The following KATNAL2 variants were observed in gnomAD, a reference collection of about 807,000 sequenced individuals.
KATNAL2 encodes katanin catalytic subunit A1 like 2.
A neutral mutation model predicts 76.3 loss-of-function variants in KATNAL2; 52 were observed. The observed-to-expected ratio is 0.68, with a 90% CI of 0.55 to 0.86. KATNAL2 has a LOEUF of 0.86. Ranked by LOEUF, KATNAL2 falls within the 40% of genes least tolerant of loss-of-function variation. The pLI is 0.00. For missense variants in KATNAL2, 660 were observed against 668.9 expected (o/e 0.99, Z 0.15); for synonymous variants, 243 against 244.2 (o/e 1.00, Z 0.05).
chr18:46,954,175 A>T (rs2059653174), intron 3 of KATNAL2, among the ~76,000 whole-genome samples: 1 of 151,422 alleles, frequency 6.6e-6, no homozygotes, highest in Non-Finnish European at 1.5e-5. Flanking sequence ...AAGGGGAGGG[A>T]ATCTGCAATA....
chr18:47,070,609 G>A (rs1182233135), intron 13 of KATNAL2, among the ~76,000 whole-genome samples: 3 of 152,042 alleles, frequency 2.0e-5, no homozygotes, highest in Admixed American at 6.6e-5. Flanking sequence ...CAATATAAGT[G>A]AATATAAAAT....
chr18:47,090,173 C>T (rs1016155897), intron 15 of KATNAL2, among the ~76,000 whole-genome samples: 1 of 151,952 alleles, frequency 6.6e-6, no homozygotes, highest in African/African-American at 2.4e-5. Context: ...GTGGCATGAT[C>T]TTGGCTCACT....
chr18:47,062,216 G>C (rs2061655571), intron 8 of KATNAL2, among the ~76,000 whole-genome samples: 2 of 151,868 alleles, frequency 1.3e-5, no homozygotes, highest in South Asian at 4.2e-4. Flanking sequence ...CCCCACTTCT[G>C]CAAAAAAAAT....
chr18:47,059,757 G>T, intron 8 of KATNAL2, 103 bp downstream of exon 8: 2 of 872,734 alleles, frequency 2.3e-6, no homozygotes, highest in Non-Finnish European at 1.8e-6. Context: ...AAGTTAAGAT[G>T]TGATTTTTGA....
chr18:46,952,098 G>T (rs1160610060), intron 3 of KATNAL2, among the ~76,000 whole-genome samples: 1 of 151,830 alleles, frequency 6.6e-6, no homozygotes, highest in Non-Finnish European at 1.5e-5. Flanking sequence ...CTTTTTTAGA[G>T]ACAGACAAAG....
chr18:47,045,708 T>A (rs1479989694), intron 3 of KATNAL2, among the ~76,000 whole-genome samples: 1 of 152,230 alleles, frequency 6.6e-6, no homozygotes, highest in Non-Finnish European at 1.5e-5. Flanking sequence ...AGACCTTTTA[T>A]GGCTTTTGTC....
chr18:46,955,154 C>CTTTCTTTCTTTG (rs2059698321), intron 3 of KATNAL2, among the ~76,000 whole-genome samples: 2 of 136,370 alleles, frequency 1.5e-5, no homozygotes, highest in Non-Finnish European at 3.1e-5. Context: ...TTCTTTCTTT[C>CTTTCTTTCTTTG]TTTCTTTCTT....
Position 47,063,007 on chromosome 18 carries a change from T to A in KATNAL2, c.585T>A (p.Asp195Glu), listed in dbSNP as rs1237365116. 3 of 1,614,048 alleles carry A rather than the reference T, an allele frequency of 1.9e-6. No individual in the cohort carries two copies. Among genetic ancestry groups the A allele is most frequent in the Non-Finnish European group, 2.5e-6 (3 of 1,180,030 alleles). ...QIIDFQGLLT[D>E]AIKGATSELA... The stretch of plus-strand genomic sequence containing the variant: ...TTGACTTCCAAGGGCTGCTCACAGA[T>A]GCCATCAAGGGAGCAACCAGTGAAC... Residue 195 changes from aspartate (D) to glutamate (E), a missense_variant, in exon 9 of 18, where the codon GAT becomes GAA. Transcript: ENST00000683218.
At chr18:46,955,237 A>G (rs2059708671) in intron 3 of KATNAL2, among the ~76,000 whole-genome samples, 1 of 123,870 alleles carries the variant, frequency 8.1e-6, no homozygotes, top group Non-Finnish European at 1.6e-5. Flanking sequence ...TTTTTTTGAG[A>G]CAAAGTTTCA....
rs574265545 is a variant in KATNAL2 at position 47,071,953 on chromosome 18, CTTTTTTTTTTTTTTTTTT to C, written c.1008+2374_1008+2391del. 1.1e-3 allele frequency among the ~76,000 whole-genome samples: 47 copies of C among 43,956 alleles called. No homozygotes were observed. In the East Asian group the frequency reaches 0.018, roughly 17 times the overall value. The allele number at this position is 43,956 out of a possible 152,430, so 28.8% of individuals were successfully genotyped here. ...GAAACAATTCCTCTCCCAATTTCTT[CTTTTTTTTTTTTTTTTTT>C]TTTTTTTTTTTTTTTTTTTTACAGA... On this transcript the variant is annotated intron_variant, in intron 13 of 17. Transcript: ENST00000683218.
intron 3 of KATNAL2, among the ~76,000 whole-genome samples, chr18:47,043,199 C>T (rs1008048539): frequency 7.7e-6 from 1 of 129,720 alleles, no homozygotes; most frequent in African/African-American, 2.9e-5. Context: ...TACACTCCAG[C>T]CCCGGCGACA....
At chr18:46,949,522 C>A (rs1210708697) in intron 3 of KATNAL2, among the ~76,000 whole-genome samples, 1 of 152,234 alleles carries the variant, frequency 6.6e-6, no homozygotes, top group Non-Finnish European at 1.5e-5. Context: ...CCTCGGATTA[C>A]AAGCGTGAGC....
intron 15 of KATNAL2, among the ~76,000 whole-genome samples, chr18:47,093,020 T>C (rs2063068941): frequency 1.3e-5 from 2 of 152,266 alleles, no homozygotes; most frequent in African/African-American, 4.8e-5. Context: ...TTTCTTTTAA[T>C]GTCTTACATT....
rs375960535 is a variant in KATNAL2, at chr18:47,067,124, G to C, written c.825+5G>C. ...GCTGTTGTGTATCCTATAAGGGTAA[G>C]GACGGGAAGCCTCTTGGGGGTTATT... is the stretch of plus-strand genomic sequence containing the variant. On this transcript the variant is annotated splice_donor_5th_base_variant and intron_variant, in intron 11 of 17. Coordinates refer to ENST00000683218, the MANE Select transcript of KATNAL2 (RefSeq NM_001387690.1). 1.3e-6 allele frequency: 2 copies of C among 1,498,704 alleles called. No homozygotes were observed. Among genetic ancestry groups the C allele is most frequent in the African/African-American group, 2.7e-5 (2 of 73,036 alleles). The allele number at this position is 1,498,704 out of a possible 1,614,324, so 92.8% of individuals were successfully genotyped here.
intron 16 of KATNAL2, 48 bp from the exon 17 acceptor site, chr18:47,100,206 A>G: frequency 7.3e-7 from 1 of 1,360,852 alleles, no homozygotes; most frequent in Non-Finnish European, 1.1e-6. Context: ...CGTAATGGCC[A>G]GGAGCATTCT....
chr18:47,063,036 C>A lies in KATNAL2; in HGVS notation c.614C>A (p.Ala205Asp). 6.2e-7 allele frequency: 1 copy of A among 1,614,124 alleles called. No individual in the cohort carries two copies. Among genetic ancestry groups the A allele is most frequent in the Non-Finnish European group, 8.5e-7 (1 of 1,179,998 alleles). Residue 205 changes from alanine to aspartate, a missense_variant, in exon 9 of 18, where the codon GCC (alanine) becomes GAC (aspartate). Transcript: ENST00000683218. ...DAIKGATSEL[A>D]LNTFDHNPDP... ...ATCAAGGGAGCAACCAGTGAACTTG[C>A]CTTGAACACCTTCGACCATAATCCA...
In KATNAL2 at chr18:47,101,290, C is replaced by G. The variant is rs908303285; in HGVS notation, c.*285C>G. On this transcript the variant is annotated 3_prime_UTR_variant, in exon 18 of 18. Transcript: ENST00000683218. The stretch of plus-strand genomic sequence containing the variant: ...TTAGACTCCATAAAATTTTAATGAA[C>G]AATTTTCTGTAATGTTACTCATTTG... 1 of 291,388 alleles carries G rather than the reference C, an allele frequency of 3.4e-6. No homozygotes were observed. The highest frequency in any genetic ancestry group is 6.6e-6 in the Non-Finnish European group (1 of 151,464). The allele number at this position is 291,388 out of a possible 1,614,324, so 18.1% of individuals were successfully genotyped here.
intron 15 of KATNAL2, among the ~76,000 whole-genome samples, chr18:47,081,176 T>A (rs2062500465): frequency 1.3e-5 from 2 of 152,072 alleles, no homozygotes; most frequent in African/African-American, 4.8e-5. Flanking sequence ...TCCTTTTTTT[T>A]CTCTACCTTG....
intron 15 of KATNAL2, chr18:47,098,347 G>T: frequency 4.0e-6 from 1 of 248,576 alleles, no homozygotes; most frequent in Non-Finnish European, 8.1e-6. Context: ...AATCATGGCG[G>T]GGGGCAAAAG....
Sources: allele counts gnomAD v4.1 joint callset (sites outside exome capture counted in the v4.1 genomes callset), GRCh38; gene constraint gnomAD v4.1.1; transcripts MANE v1.5; gene names NCBI Gene and HGNC (gene_info 2026-07-23, HGNC 2026-07-21).